The following TAP2 variants were observed in gnomAD, a reference collection of about 807,000 sequenced individuals.
The protein encoded by TAP2 is transporter 2, ATP binding cassette subfamily B member.
A neutral mutation model predicts 74.7 loss-of-function variants in TAP2; 49 were observed. The ratio of observed to expected loss-of-function variants is 0.66; its 90% confidence interval spans 0.52 to 0.83. The LOEUF (loss-of-function observed/expected upper bound fraction) is 0.83, where lower values mean the gene tolerates loss of function less well. Among genes scored for constraint, TAP2 ranks in the 40% least tolerant of loss-of-function variants. TAP2 has a pLI of 0.00. For synonymous variants in TAP2, 306 were observed against 368.4 expected, an observed-to-expected ratio of 0.83 and a Z score of 1.94; for missense variants, 739 against 859.0, an observed-to-expected ratio of 0.86 and a Z score of 1.75.
Position 32,832,497 on chromosome 6 carries a change from C to A in TAP2, c.1144-36G>T. ...AGAAGAAAGAGATGAGGCTGGGAAT[C>A]TTCCCATTCTTTCCCCCTCTCTGCC... On this transcript the variant is annotated intron_variant, in intron 6 of 11. Coordinates refer to ENST00000374897, the MANE Select transcript of TAP2 (RefSeq NM_001290043.2). The surrounding 1 kb of genome is among the most constrained non-coding windows in gnomAD (Gnocchi z 5.9). 14 of 1,611,018 alleles carry A rather than the reference C, an allele frequency of 8.7e-6. No homozygotes were observed. The highest frequency in any genetic ancestry group is 1.2e-5 in the Non-Finnish European group (14 of 1,179,106).
rs538977775 is a variant in TAP2, at chr6:32,835,190, T to G, written c.909A>C (p.Thr303=). ...TLLSLLHMPF[T]IAAEKVYNTR... ...TGTTGTACACCTTCTCCGCTGCTAT[T>G]GTGAAGGGCATGTGCAGCAGAGAAA... Residue 303 remains threonine, a synonymous_variant, in exon 5 of 12, where the codon ACA becomes ACC. Transcript: ENST00000374897. This position sits in a 1 kb window ranked among gnomAD's most constrained non-coding sequence, Gnocchi z 4.0. 3.1e-6 allele frequency: 5 copies of G among 1,613,038 alleles called. No homozygotes were observed. The East Asian group carries it at 1.1e-4, about 36-fold the overall frequency.
rs747063621 is a variant in TAP2 at position 32,832,470 on chromosome 6, G to A, written c.1144-9C>T. 7 of 1,611,966 alleles carry A rather than the reference G, an allele frequency of 4.3e-6. No homozygotes were observed. In the Admixed American group the frequency reaches 6.7e-5, roughly 15 times the overall value. On this transcript the variant is annotated splice_polypyrimidine_tract_variant and intron_variant, in intron 6 of 11. Transcript: ENST00000374897. This position sits in a 1 kb window ranked among gnomAD's most constrained non-coding sequence, Gnocchi z 5.9. The stretch of plus-strand genomic sequence containing the variant: ...ACCCCCAAGTGCAGCACCTGGAAGA[G>A]GAGAAGAAAGAGATGAGGCTGGGAA...
downstream of TAP2, among the ~76,000 whole-genome samples, chr6:32,825,126 T>TTATATATATATATATATATA (rs28381588): frequency 0.049 from 6,847 of 139,062 alleles, 274 homozygotes; most frequent in South Asian, 0.077. Context: ...TGTCTGTTGG[T>TTATATATATATATATATATA]TATATACATA....
intron 5 of TAP2, among the ~76,000 whole-genome samples, chr6:32,834,892 C>T (rs946785146): frequency 1.3e-5 from 2 of 152,188 alleles, no homozygotes; most frequent in Non-Finnish European, 2.9e-5. Flanking sequence ...TATCATCTCC[C>T]CTTCCTATTC....
chr6:32,824,395 T>G (rs1768502422), downstream of TAP2, among the ~76,000 whole-genome samples: 1 of 152,176 alleles, frequency 6.6e-6, no homozygotes, highest in Non-Finnish European at 1.5e-5. Context: ...TATCTGGTTT[T>G]GATTTAACAT....
At chr6:32,834,419 C>G (rs1209021679) in intron 5 of TAP2, among the ~76,000 whole-genome samples, 1 of 152,212 alleles carries the variant, frequency 6.6e-6, no homozygotes, top group Non-Finnish European at 1.5e-5. Flanking sequence ...CACTTACGTA[C>G]CGCACCGGGA....
rs1476684467 is a variant in TAP2, at chr6:32,829,555, T to C, written c.1796-19A>G. On this transcript the variant is annotated intron_variant, in intron 10 of 11. Transcript: ENST00000374897. ...CCTACATCTGAGGAAATCAGAGAAA[T>C]TCCCTTCCTCAGATACAAGTGACAC... 3 of 1,613,746 alleles carry C rather than the reference T, an allele frequency of 1.9e-6. No individual in the cohort carries two copies. The highest frequency in any genetic ancestry group is 1.3e-5 in the African/African-American group (1 of 75,014).
chr6:32,837,531 A>G lies in TAP2; in HGVS notation c.608+6T>C. 1 of 1,613,236 alleles carries G rather than the reference A, an allele frequency of 6.2e-7. No homozygotes were observed. The highest frequency in any genetic ancestry group is 8.5e-7 in the Non-Finnish European group (1 of 1,179,442). On this transcript the variant is annotated splice_donor_region_variant and intron_variant, in intron 3 of 11. Coordinates refer to ENST00000374897, the MANE Select transcript of TAP2 (RefSeq NM_001290043.2). Reference sequence around the variant, plus strand: ...TAGCAAATGGACCCAGCTGCCCACCACCTACCTGCCAAAGGAGAAGAGGCA... The same window carrying G: ...TAGCAAATGGACCCAGCTGCCCACCGCCTACCTGCCAAAGGAGAAGAGGCA...
chr6:32,832,930 A>C lies in TAP2; in HGVS notation c.946-106T>G. Reference sequence around the variant, plus strand: ...CTCCCTAGTCTACCTAAAAATACCAAACTGTTTCTCTCCCTCTTCCTTACT... The same window carrying C: ...CTCCCTAGTCTACCTAAAAATACCACACTGTTTCTCTCCCTCTTCCTTACT... On this transcript the variant is annotated intron_variant, in intron 5 of 11. Coordinates refer to ENST00000374897, the MANE Select transcript of TAP2 (RefSeq NM_001290043.2). The surrounding 1 kb of genome is among the most constrained non-coding windows in gnomAD (Gnocchi z 5.9). 2 of 1,240,924 alleles carry C rather than the reference A, an allele frequency of 1.6e-6. No homozygotes were observed. Among genetic ancestry groups the C allele is most frequent in the Non-Finnish European group, 2.3e-6 (2 of 868,226 alleles). 76.9% of individuals were successfully genotyped at this position (1,240,924 alleles called of 1,614,324 possible). A position where few individuals can be genotyped will look rare whatever the true frequency, so the allele number is the denominator to read the frequency against.
downstream of TAP2, among the ~76,000 whole-genome samples, chr6:32,822,917 CTTT>C (rs3041453): frequency 4.9e-4 from 54 of 109,974 alleles, no homozygotes; most frequent in East Asian, 1.5e-3. Context: ...TGTGTTCATA[CTTT>C]TTTTTTTTTT....
In TAP2 at chr6:32,825,994, A is replaced by C; in HGVS notation, c.*2912T>G. The C allele has an allele frequency of 2.0e-6, 2 of 985,300 alleles. No individual in the cohort carries two copies. Among genetic ancestry groups the C allele is most frequent in the Non-Finnish European group, 2.4e-6 (2 of 829,886 alleles). 61.0% of individuals were successfully genotyped at this position (985,300 alleles called of 1,614,324 possible). ...CCAGTGAATGCTTAGTAGTAGTAGTAGTCTAATTCCTAAGAGTCCATGGAA... is the reference window on the plus strand; with the variant it reads ...CCAGTGAATGCTTAGTAGTAGTAGTCGTCTAATTCCTAAGAGTCCATGGAA... On this transcript the variant is annotated 3_prime_UTR_variant, in exon 12 of 12. Transcript: ENST00000374897.
In TAP2 at chr6:32,826,540, C is replaced by A; in HGVS notation, c.*2366G>T. 2.0e-6 allele frequency: 2 copies of A among 985,416 alleles called. No individual in the cohort carries two copies. The highest frequency in any genetic ancestry group is 2.4e-6 in the Non-Finnish European group (2 of 829,926). 61.0% of individuals were successfully genotyped at this position (985,416 alleles called of 1,614,324 possible). On this transcript the variant is annotated 3_prime_UTR_variant, in exon 12 of 12. Coordinates refer to ENST00000374897, the MANE Select transcript of TAP2 (RefSeq NM_001290043.2). The stretch of plus-strand genomic sequence containing the variant: ...ACAAACCACACTTACAGGAATTTGT[C>A]TGTCTAGCCCGAATATTTTGACTTT...
chr6:32,838,228 C>T lies in TAP2; in HGVS notation c.6G>A (p.Arg2=), dbSNP rs1769569643. 1 of 1,565,632 alleles carries T rather than the reference C, an allele frequency of 6.4e-7. No individual in the cohort carries two copies. Among genetic ancestry groups the T allele is most frequent in the East Asian group, 2.3e-5 (1 of 44,444 alleles). ...AGGTCCAGGGTCTCAGGTCAGGGAG[C>T]CGCATGGCTCTGTCAACGGATACGA... M[R]LPDLRPWTSL... Residue 2 remains arginine, a synonymous_variant, in exon 2 of 12, where the codon CGG becomes CGA. Coordinates refer to ENST00000374897, the MANE Select transcript of TAP2 (RefSeq NM_001290043.2).
intron 3 of TAP2, among the ~76,000 whole-genome samples, chr6:32,836,336 C>A (rs1769418683): frequency 6.6e-6 from 1 of 152,194 alleles, no homozygotes; most frequent in Non-Finnish European, 1.5e-5. Context: ...CAACTACATG[C>A]TACAGTAACA....
chr6:32,837,864 C>T lies in TAP2; in HGVS notation c.370G>A (p.Ala124Thr). The change falls in exon 2 of 12, where the codon GCC (alanine) becomes ACC (threonine). Residue 124 changes from alanine to threonine, a missense_variant. By Grantham distance (58) the Ala-to-Thr change is moderately conservative. Transcript: ENST00000374897. ...ACCTGGTCCTGCTCCTTCTCCTGGG[C>T]TCCAGGAGGGCTCAGAACAGCCCAC... is the stretch of plus-strand genomic sequence containing the variant. Reference protein sequence around the residue: ...SLWAVLSPPGAQEKEQDQVNN... With the variant: ...SLWAVLSPPGTQEKEQDQVNN... The T allele has an allele frequency of 6.2e-7, 1 of 1,613,298 alleles. No homozygotes were observed. Among genetic ancestry groups the T allele is most frequent in the Non-Finnish European group, 8.5e-7 (1 of 1,179,992 alleles).
At position 32,832,366 on chromosome 6, in the gene TAP2, C is replaced by G. The variant is rs765452166; in HGVS notation, c.1239G>C (p.Met413Ile). ...ELTQGSLLSF[M>I]IYQESVGSYV... ...AGCTCCCCACGCTCTCCTGGTAGAT[C>G]ATAAAGGAAAGCAGGCTGCCCTGGG... is the stretch of plus-strand genomic sequence containing the variant. Residue 413 changes from methionine to isoleucine, a missense_variant, in exon 7 of 12, where the codon ATG (methionine) becomes ATC (isoleucine). Met to Ile is a conservative substitution (Grantham distance 10). Coordinates refer to ENST00000374897, the MANE Select transcript of TAP2 (RefSeq NM_001290043.2). This position sits in a 1 kb window ranked among gnomAD's most constrained non-coding sequence, Gnocchi z 5.9. 1.9e-6 allele frequency: 3 copies of G among 1,612,916 alleles called. No individual in the cohort carries two copies. Among genetic ancestry groups the G allele is most frequent in the South Asian group, 2.2e-5 (2 of 91,076 alleles).
intron 11 of TAP2, 87 bp downstream of exon 11, chr6:32,829,313 C>T (rs1562324002): frequency 1.2e-5 from 19 of 1,540,934 alleles, no homozygotes; most frequent in Non-Finnish European, 1.7e-5. Flanking sequence ...GGTCCTTCGT[C>T]CTCCCTCTGC....
At chr6:32,822,532 TTTTGTTTGTTTG>T (rs138505424), downstream of TAP2, among the ~76,000 whole-genome samples, 2 of 152,000 alleles carry the variant, frequency 1.3e-5, no homozygotes, top group South Asian at 2.1e-4. Context: ...GCCATTTAAT[TTTTGTTTGTTTG>T]TTTGTTTGTT....
downstream of TAP2, chr6:32,822,351 C>G: frequency 7.4e-7 from 1 of 1,358,572 alleles, no homozygotes; most frequent in Non-Finnish European, 1.0e-6. Context: ...ACCCCTTGAT[C>G]TTAATGGGTG....
Sources: allele counts gnomAD v4.1 joint callset (sites outside exome capture counted in the v4.1 genomes callset), GRCh38; gene constraint gnomAD v4.1.1; non-coding constraint Gnocchi (gnomAD v3.1); transcripts MANE v1.5; gene names NCBI Gene and HGNC (gene_info 2026-07-23, HGNC 2026-07-21).